Variants in NCKAP5 observed in about 807,000 individuals in gnomAD.
NCKAP5 encodes nck-associated protein 5.
NCKAP5 carries 92 observed loss-of-function variants against 167.0 expected under a neutral mutation model. That is an observed-to-expected ratio of 0.55 (90% confidence interval 0.47 to 0.66). NCKAP5 has a LOEUF of 0.66. NCKAP5 is among the 30% of genes least tolerant of loss of function. The pLI is 0.00. For missense variants in NCKAP5, 2,378 were observed against 2,315.0 expected (o/e 1.03, Z -0.56); for synonymous variants, 891 against 877.4 (o/e 1.02, Z -0.27).
chr2:133,518,835 A>G (rs1012742984), intron 2 of NCKAP5, among the ~76,000 whole-genome samples: 1 of 152,200 alleles, frequency 6.6e-6, no homozygotes, highest in African/African-American at 2.4e-5. Context: ...ATTACATTTA[A>G]AAACAGTTAA....
chr2:133,467,205 A>C (rs200849103), intron 3 of NCKAP5, among the ~76,000 whole-genome samples: 20,584 of 150,456 alleles, frequency 0.14, 1,756 homozygotes, highest in East Asian at 0.39. Context: ...ATTTATTGAG[A>C]GTTTTTAGCA....
At chr2:132,808,844 T>C (rs1326455928) in intron 11 of NCKAP5, among the ~76,000 whole-genome samples, 2 of 152,174 alleles carry the variant, frequency 1.3e-5, no homozygotes, top group Non-Finnish European at 2.9e-5. Context: ...CTCTAGTTCC[T>C]TGAGGTGTGA....
intron 3 of NCKAP5, among the ~76,000 whole-genome samples, chr2:133,424,971 T>C (rs930592909): frequency 2.0e-5 from 3 of 152,210 alleles, no homozygotes; most frequent in African/African-American, 7.2e-5. Flanking sequence ...TTCTGGGCCT[T>C]GTGAATTTTA....
chr2:133,659,421 C>T, the NCKAP5 span, among the ~76,000 whole-genome samples: 1 of 152,058 alleles, frequency 6.6e-6, no homozygotes, highest in Admixed American at 6.6e-5. Flanking sequence ...TCTTAATGAC[C>T]TTGCACTAAG....
chr2:133,404,979 C>T (rs1289475635), intron 3 of NCKAP5, among the ~76,000 whole-genome samples: 1 of 152,210 alleles, frequency 6.6e-6, no homozygotes, highest in African/African-American at 2.4e-5. Flanking sequence ...TCAGGCTTCC[C>T]ACTAAACTTA....
chr2:133,536,850 T>C (rs1685803743), intron 2 of NCKAP5, among the ~76,000 whole-genome samples: 2 of 152,044 alleles, frequency 1.3e-5, no homozygotes, highest in South Asian at 4.1e-4. Flanking sequence ...TTGTTGCTTA[T>C]GGTTTTGATG....
chr2:133,540,997 G>A (rs1686186936), intron 2 of NCKAP5, among the ~76,000 whole-genome samples: 2 of 148,884 alleles, frequency 1.3e-5, no homozygotes, highest in African/African-American at 4.9e-5. Flanking sequence ...AGGGAAACAC[G>A]ATAAGGTCTT....
chr2:132,962,910 T>C (rs375998509), intron 8 of NCKAP5, among the ~76,000 whole-genome samples: 2 of 152,260 alleles, frequency 1.3e-5, no homozygotes, highest in South Asian at 2.1e-4. Context: ...TCTTCCTTTA[T>C]GCTAGTAGAG....
At chr2:133,222,926 C>T (rs2086718212) in intron 4 of NCKAP5, among the ~76,000 whole-genome samples, 2 of 152,318 alleles carry the variant, frequency 1.3e-5, no homozygotes, top group South Asian at 2.1e-4. Context: ...GAGGTCATCA[C>T]AAATAATGCA....
At chr2:133,581,280 C>CA in the NCKAP5 span, among the ~76,000 whole-genome samples, 1 of 152,192 alleles carries the variant, frequency 6.6e-6, no homozygotes, top group African/African-American at 2.4e-5. Context: ...GCTGGTAAGA[C>CA]AGGGCCAGAG....
At chr2:133,547,235 G>A (rs966740848) in intron 2 of NCKAP5, among the ~76,000 whole-genome samples, 8 of 152,134 alleles carry the variant, frequency 5.3e-5, no homozygotes, top group African/African-American at 1.7e-4. Flanking sequence ...CTACGCCCAC[G>A]GAGTCTCGCT....
At chr2:133,410,800 G>C (rs1367420549) in intron 3 of NCKAP5, among the ~76,000 whole-genome samples, 1 of 152,146 alleles carries the variant, frequency 6.6e-6, no homozygotes, top group African/African-American at 2.4e-5. Context: ...TCTTAACCAT[G>C]GCTGTACATT....
At chr2:133,535,049 C>T (rs1375280593) in intron 2 of NCKAP5, among the ~76,000 whole-genome samples, 2 of 152,128 alleles carry the variant, frequency 1.3e-5, no homozygotes, top group African/African-American at 2.4e-5. Flanking sequence ...AGAGGTATCT[C>T]ATTGTGGATT....
chr2:132,715,038 T>C (rs1439282686), intron 19 of NCKAP5: 12 of 369,444 alleles, frequency 3.2e-5, no homozygotes, highest in Non-Finnish European at 5.3e-6. Context: ...ATAGTAAGTG[T>C]ATATCTCTAG....
intron 8 of NCKAP5, chr2:132,930,855 T>C (rs1249103617): frequency 6.6e-6 from 1 of 152,200 alleles, no homozygotes; most frequent in Non-Finnish European, 1.5e-5. Flanking sequence ...ATGTACTAAA[T>C]GTAGGGTCCC....
rs562479665 is a variant in NCKAP5, at chr2:133,258,737, T to G, written c.143+44300A>C. 2.5e-3 allele frequency among the ~76,000 whole-genome samples: 375 copies of G among 147,376 alleles called. 1 individual carries two copies. The highest frequency in any genetic ancestry group is 4.4e-3 in the Non-Finnish European group (297 of 67,314). On this transcript the variant is annotated intron_variant, in intron 4 of 19. Coordinates refer to ENST00000409261, the MANE Select transcript of NCKAP5 (RefSeq NM_207363.3). Reference sequence around the variant, plus strand: ...TTTTAGCCTAGGCAACAGAGCAAGATCCTGTCTCAATTAAAAAAAAAAAAG... The same window carrying G: ...TTTTAGCCTAGGCAACAGAGCAAGAGCCTGTCTCAATTAAAAAAAAAAAAG...
At chr2:133,004,852 C>A (rs893207885) in intron 6 of NCKAP5, among the ~76,000 whole-genome samples, 1 of 152,150 alleles carries the variant, frequency 6.6e-6, no homozygotes, top group Non-Finnish European at 1.5e-5. Context: ...CCCAGAGCAG[C>A]CATTTTAGAG....
intron 4 of NCKAP5, among the ~76,000 whole-genome samples, chr2:133,222,782 A>G (rs1421752957): frequency 6.6e-6 from 1 of 152,220 alleles, no homozygotes; most frequent in Non-Finnish European, 1.5e-5. Flanking sequence ...ACTGCTCAAA[A>G]GTTTAAATAT....
At chr2:133,130,268 AC>A (rs1484239895) in intron 5 of NCKAP5, among the ~76,000 whole-genome samples, 157 bp from the exon 6 acceptor site, 1 of 152,222 alleles carries the variant, frequency 6.6e-6, no homozygotes, top group African/African-American at 2.4e-5. Flanking sequence ...CTTGTTATAG[AC>A]AACGAAACCA....
Sources: allele counts gnomAD v4.1 joint callset (sites outside exome capture counted in the v4.1 genomes callset), GRCh38; gene constraint gnomAD v4.1.1; transcripts MANE v1.5; gene names NCBI Gene and HGNC (gene_info 2026-07-23, HGNC 2026-07-21).